Variants in RBFOX1 observed in about 807,000 individuals in gnomAD.
RBFOX1 encodes RNA binding fox-1 homolog 1.
In RBFOX1, 8 loss-of-function variants were observed where a neutral mutation model predicts 57.7. That is an observed-to-expected ratio of 0.14 (90% CI 0.08 to 0.25). The LOEUF (loss-of-function observed/expected upper bound fraction) is 0.25. Among genes scored for constraint, RBFOX1 ranks in the 10% least tolerant of loss-of-function variants. The probability of loss-of-function intolerance (pLI) is 1.00; values close to 1 mark genes in which losing one functional copy is unlikely to be tolerated. For missense variants in RBFOX1, 611 were observed against 548.5 expected (o/e 1.11, Z -1.14); for synonymous variants, 326 against 222.4 (o/e 1.47, Z -4.15).
chr16:7,635,511 G>C (rs746076280), intron 11 of RBFOX1, among the ~76,000 whole-genome samples: 1 of 151,492 alleles, frequency 6.6e-6, no homozygotes, highest in African/African-American at 2.4e-5. Flanking sequence ...TGGACGCCCA[G>C]TATCTTTCTA....
intron 4 of RBFOX1, among the ~76,000 whole-genome samples, chr16:7,417,963 C>T (rs995129162): frequency 5.3e-5 from 8 of 152,046 alleles, no homozygotes; most frequent in African/African-American, 1.9e-4. Flanking sequence ...AGCCTATCAC[C>T]CAATCACCAC....
At chr16:6,882,163 C>T (rs2063077857) in intron 3 of RBFOX1, among the ~76,000 whole-genome samples, 1 of 152,088 alleles carries the variant, frequency 6.6e-6, no homozygotes, top group Non-Finnish European at 1.5e-5. Flanking sequence ...CTCATTAATT[C>T]TGTCTCTAGC....
chr16:6,840,418 C>A (rs1031777467), intron 3 of RBFOX1, among the ~76,000 whole-genome samples: 1 of 152,130 alleles, frequency 6.6e-6, no homozygotes, highest in African/African-American at 2.4e-5. Context: ...TGAGTATGAT[C>A]ACAGTCTTCT....
intron 4 of RBFOX1, among the ~76,000 whole-genome samples, chr16:7,434,178 A>C (rs954128599): frequency 6.6e-6 from 1 of 151,744 alleles, no homozygotes; most frequent in African/African-American, 2.4e-5. Flanking sequence ...GTGGTATAAG[A>C]GATGAAGGAG....
chr16:7,148,110 T>C (rs1014796079), intron 4 of RBFOX1, among the ~76,000 whole-genome samples: 1 of 152,192 alleles, frequency 6.6e-6, no homozygotes, highest in African/African-American at 2.4e-5. Context: ...CTCTAGGAAG[T>C]GACGCACAAT....
chr16:5,911,762 C>T (rs556957031), intron 4 of RBFOX1, among the ~76,000 whole-genome samples: 15 of 152,242 alleles, frequency 9.9e-5, no homozygotes, highest in African/African-American at 3.1e-4. Context: ...CAGGTGGTGC[C>T]TTTGCACCAT....
At chr16:5,744,930 G>T (rs186038454) in intron 3 of RBFOX1, among the ~76,000 whole-genome samples, 92 of 152,094 alleles carry the variant, frequency 6.0e-4, no homozygotes, top group African/African-American at 2.0e-3. Flanking sequence ...GCACTGCCAC[G>T]CCTGGCTAAT....
At chr16:5,679,967 T>A (rs1047799583) in intron 3 of RBFOX1, among the ~76,000 whole-genome samples, 2 of 152,340 alleles carry the variant, frequency 1.3e-5, no homozygotes, top group East Asian at 1.9e-4. Context: ...AGGAAACATA[T>A]ATTGTTTTAA....
intron 2 of RBFOX1, among the ~76,000 whole-genome samples, chr16:6,495,992 C>T (rs1024584440): frequency 2.2e-4 from 34 of 152,108 alleles, no homozygotes; most frequent in African/African-American, 7.0e-4. Context: ...TTTTTATATG[C>T]GTCAGTGTAA....
rs1049011614 is a variant in RBFOX1, at chr16:5,245,039, A to G, written c.219+4934A>G. On this transcript the variant is annotated intron_variant, in intron 1 of 2. Coordinates refer to the RBFOX1 transcript ENST00000585867. ...TGGACCATAGGGAAATGTCTTCTCAATTCTTTTAATTTCATTAAGGTGGTC... is the reference window on the plus strand; with the variant it reads ...TGGACCATAGGGAAATGTCTTCTCAGTTCTTTTAATTTCATTAAGGTGGTC... 5.9e-5 allele frequency among the ~76,000 whole-genome samples: 9 copies of G among 152,302 alleles called. No individual in the cohort carries two copies. The South Asian group carries it at 8.3e-4, about 14-fold the overall frequency.
chr16:7,284,367 G>A (rs1365469206), intron 4 of RBFOX1, among the ~76,000 whole-genome samples: 2 of 152,138 alleles, frequency 1.3e-5, no homozygotes, highest in African/African-American at 4.8e-5. Context: ...CTCCTGCTCT[G>A]TATCCCAGGC....
At chr16:6,668,739 C>A (rs1260429627) in intron 3 of RBFOX1, among the ~76,000 whole-genome samples, 2 of 152,146 alleles carry the variant, frequency 1.3e-5, no homozygotes, top group East Asian at 3.9e-4. Flanking sequence ...TTAATTGGGG[C>A]TGAAATGCTT....
At chr16:6,871,772 C>T (rs371171492) in intron 3 of RBFOX1, among the ~76,000 whole-genome samples, 5 of 152,084 alleles carry the variant, frequency 3.3e-5, no homozygotes, top group Non-Finnish European at 7.3e-5. Context: ...TCTACTCTAC[C>T]TTCCGCTGAT....
At chr16:5,336,512 G>C (rs1434851741) in intron 1 of RBFOX1, among the ~76,000 whole-genome samples, 1 of 152,212 alleles carries the variant, frequency 6.6e-6, no homozygotes, top group East Asian at 1.9e-4. Flanking sequence ...TTATCTGTGT[G>C]TGGATGAGCC....
intron 3 of RBFOX1, among the ~76,000 whole-genome samples, chr16:7,002,784 G>A (rs955457596): frequency 9.2e-5 from 14 of 152,104 alleles, no homozygotes; most frequent in Non-Finnish European, 1.2e-4. Flanking sequence ...CTGAATGTCG[G>A]CTTTGTTTGA....
chr16:7,428,660 T>C (rs553342361), intron 4 of RBFOX1, among the ~76,000 whole-genome samples: 19 of 151,826 alleles, frequency 1.3e-4, no homozygotes, highest in Non-Finnish European at 2.8e-4. Context: ...TGTGAGTCAC[T>C]GCACCTGACC....
chr16:6,068,373 G>A (rs1428361725), intron 1 of RBFOX1, among the ~76,000 whole-genome samples: 1 of 152,186 alleles, frequency 6.6e-6, no homozygotes, highest in Non-Finnish European at 1.5e-5. Flanking sequence ...TAAAAGCTGA[G>A]AGAGCCAGTG....
rs1165753737 is a variant in RBFOX1, at chr16:6,351,355, T to TAA, written c.-64+34299_-64+34300insAA. ...GTGTGTGTGTGTGTGTGTGTGTGTA[T>TAA]ATATATATATATATATATTTTTTTT... On this transcript the variant is annotated intron_variant, in intron 2 of 15. Coordinates refer to ENST00000550418, the MANE Select transcript of RBFOX1 (RefSeq NM_018723.4). Among the ~76,000 whole-genome samples, 25 of 86,242 alleles carry TAA rather than the reference T, an allele frequency of 2.9e-4. No individual in the cohort carries two copies. The East Asian group carries it at 6.2e-3, about 22-fold the overall frequency. 56.6% of individuals were successfully genotyped at this position (86,242 alleles called of 152,430 possible). A position where few individuals can be genotyped will look rare whatever the true frequency, so the allele number is the denominator to read the frequency against.
At position 6,041,172 on chromosome 16, in the gene RBFOX1, T is replaced by TC. The variant is rs750765033; in HGVS notation, c.-127+21182dup. 1.5e-3 allele frequency among the ~76,000 whole-genome samples: 226 copies of TC among 152,304 alleles called. 1 individual carries two copies. Among genetic ancestry groups the TC allele is most frequent in the African/African-American group, 4.8e-3 (200 of 41,562 alleles). On this transcript the variant is annotated intron_variant, in intron 1 of 15. Coordinates refer to ENST00000550418, the MANE Select transcript of RBFOX1 (RefSeq NM_018723.4). ...CTCATCTTTTTCCTGTTTTGCCTTT[T>TC]CCAGAATGTTATATAGTTAGAATCA...
Sources: allele counts gnomAD v4.1 joint callset (sites outside exome capture counted in the v4.1 genomes callset), GRCh38; gene constraint gnomAD v4.1.1; transcripts MANE v1.5; gene names NCBI Gene and HGNC (gene_info 2026-07-23, HGNC 2026-07-21).